The following FARP2 variants were observed in gnomAD, a reference collection of about 807,000 sequenced individuals.
The protein encoded by FARP2 is FERM, ARH/RhoGEF and pleckstrin domain protein 2.
In FARP2, 111 loss-of-function variants were observed where a neutral mutation model predicts 130.5. The ratio of observed to expected loss-of-function variants is 0.85; its 90% CI spans 0.73 to 1.00. The LOEUF (loss-of-function observed/expected upper bound fraction) is 1.00. FARP2 is among the 50% of genes least tolerant of loss of function. FARP2 has a pLI of 0.00. For missense variants in FARP2, 1,385 were observed against 1,346.3 expected (o/e 1.03, Z -0.45); for synonymous variants, 504 against 516.9 (o/e 0.98, Z 0.34).
chr2:241,441,574 G>A lies in FARP2; in HGVS notation c.1411+18G>A. The A allele has an allele frequency of 6.2e-7, 1 of 1,613,896 alleles. No individual in the cohort carries two copies. Among genetic ancestry groups the A allele is most frequent in the Non-Finnish European group, 8.5e-7 (1 of 1,180,044 alleles). ...TGGTCCAGGTGTCGGGTTTTGTCATGTCGTGAGCAGCTGTGGTTCTGTCTG... is the reference window on the plus strand; with the variant it reads ...TGGTCCAGGTGTCGGGTTTTGTCATATCGTGAGCAGCTGTGGTTCTGTCTG... On this transcript the variant is annotated intron_variant, in intron 13 of 26. Coordinates refer to ENST00000264042, the MANE Select transcript of FARP2 (RefSeq NM_014808.4).
chr2:241,464,039 T>TC lies in FARP2; in HGVS notation c.1893+62dup. 1.4e-6 allele frequency: 2 copies of TC among 1,442,032 alleles called. 1 individual carries two copies. Among genetic ancestry groups the TC allele is most frequent in the Non-Finnish European group, 1.9e-6 (2 of 1,030,808 alleles). The allele number at this position is 1,442,032 out of a possible 1,614,324, so 89.3% of individuals were successfully genotyped here. ...GCTGTTTATGGGAGCAAAACCATCT[T>TC]CCCGAAGCTGAGGCCCGTCAGAACA... On this transcript the variant is annotated intron_variant, in intron 17 of 26. Coordinates refer to ENST00000264042, the MANE Select transcript of FARP2 (RefSeq NM_014808.4).
intron 21 of FARP2, among the ~76,000 whole-genome samples, chr2:241,486,127 A>G (rs2064746325): frequency 6.6e-6 from 1 of 152,140 alleles, no homozygotes; most frequent in South Asian, 2.1e-4. Context: ...TATAGAAAAA[A>G]ATAATTGAAA....
chr2:241,408,786 T>C (rs971954300), intron 5 of FARP2, among the ~76,000 whole-genome samples: 5 of 152,218 alleles, frequency 3.3e-5, no homozygotes, highest in Non-Finnish European at 7.3e-5. Context: ...AGATGTCTTA[T>C]GAACTCTCTT....
chr2:241,449,710 C>T (rs2063600274), intron 13 of FARP2, among the ~76,000 whole-genome samples: 1 of 151,436 alleles, frequency 6.6e-6, no homozygotes, highest in African/African-American at 2.4e-5. Flanking sequence ...AAGAAAATCA[C>T]CTGCCAGACC....
chr2:241,383,303 A>G (rs1306764053), intron 2 of FARP2, among the ~76,000 whole-genome samples: 2 of 152,244 alleles, frequency 1.3e-5, no homozygotes, highest in Non-Finnish European at 2.9e-5. Context: ...GAAATAAAGC[A>G]CGGAGGGAGC....
chr2:241,384,115 T>A (rs550492973), intron 2 of FARP2, among the ~76,000 whole-genome samples: 1 of 151,730 alleles, frequency 6.6e-6, no homozygotes, highest in East Asian at 2.0e-4. Context: ...TGGAAGCCTT[T>A]GGGTGACATT....
chr2:241,361,195 C>T (rs2061177966), intron 1 of FARP2, among the ~76,000 whole-genome samples: 1 of 152,130 alleles, frequency 6.6e-6, no homozygotes, highest in Non-Finnish European at 1.5e-5. Context: ...TTTCCACTGC[C>T]CACACACTTC....
chr2:241,377,126 T>C (rs2061555750), intron 2 of FARP2, among the ~76,000 whole-genome samples: 1 of 152,208 alleles, frequency 6.6e-6, no homozygotes, highest in South Asian at 2.1e-4. Context: ...TTTACTAGAT[T>C]ATCATTTCAC....
At chr2:241,488,147 T>A (rs1302662132) in intron 21 of FARP2, 1 of 149,232 alleles carries the variant, frequency 6.7e-6, no homozygotes, top group African/African-American at 2.4e-5. Context: ...CATAATTTGT[T>A]GAATACCAAA....
intron 16 of FARP2, 31 bp from the exon 17 acceptor site, chr2:241,463,868 G>T: frequency 6.3e-7 from 1 of 1,590,638 alleles, no homozygotes; most frequent in South Asian, 1.1e-5. Flanking sequence ...CTTTCACCAT[G>T]TTTAGGATGA....
chr2:241,483,729 T>A (rs1234167359), intron 20 of FARP2, 196 bp downstream of exon 20: 1 of 909,014 alleles, frequency 1.1e-6, no homozygotes, highest in Non-Finnish European at 1.3e-6. Flanking sequence ...AGAAAACAGC[T>A]TCCCCACCCA....
At chr2:241,379,923 G>A (rs1300402143) in intron 2 of FARP2, among the ~76,000 whole-genome samples, 1 of 152,196 alleles carries the variant, frequency 6.6e-6, no homozygotes, top group Non-Finnish European at 1.5e-5. Context: ...CAAGAATGTG[G>A]TAGGGTGGTG....
At chr2:241,450,869 T>C (rs1407335472) in intron 13 of FARP2, among the ~76,000 whole-genome samples, 1 of 151,868 alleles carries the variant, frequency 6.6e-6, no homozygotes, top group Non-Finnish European at 1.5e-5. Flanking sequence ...TGAGAATCGT[T>C]TGAATCCAGG....
intron 5 of FARP2, among the ~76,000 whole-genome samples, chr2:241,409,178 TC>T (rs1415442231): frequency 6.6e-6 from 1 of 151,304 alleles, no homozygotes; most frequent in African/African-American, 2.4e-5. Flanking sequence ...TACTCCCTTC[TC>T]CCCCATATTT....
At position 241,484,254 on chromosome 2, in the gene FARP2, T is replaced by C; in HGVS notation, c.2344T>C (p.Leu782=). The C allele has an allele frequency of 6.2e-7, 1 of 1,614,144 alleles. No individual in the cohort carries two copies. The highest frequency in any genetic ancestry group is 8.5e-7 in the Non-Finnish European group (1 of 1,179,972). ...QRMFFLFSDM[L]LYTSKGVAGT... ...TGCTGCTTCTCAGTTCTCAGATATG[T>C]TGCTGTACACAAGCAAAGGAGTTGC... Residue 782 remains leucine, a synonymous_variant, in exon 21 of 27, where the codon TTG becomes CTG. Transcript: ENST00000264042.
At chr2:241,439,513 G>A (rs1207954717) in intron 12 of FARP2, among the ~76,000 whole-genome samples, 1 of 151,856 alleles carries the variant, frequency 6.6e-6, no homozygotes, top group African/African-American at 2.4e-5. Context: ...GTATTTTTTG[G>A]AGAGACAGGG....
At chr2:241,416,984 A>G (rs1249458880) in intron 7 of FARP2, among the ~76,000 whole-genome samples, 1 of 151,888 alleles carries the variant, frequency 6.6e-6, no homozygotes, top group Non-Finnish European at 1.5e-5. Context: ...AGTGTTTCAG[A>G]TAGTAAAAAA....
chr2:241,389,544 C>T (rs2061860173), intron 2 of FARP2, among the ~76,000 whole-genome samples: 1 of 152,164 alleles, frequency 6.6e-6, no homozygotes, highest in South Asian at 2.1e-4. Flanking sequence ...TTATAGCAGC[C>T]TGAACCAACT....
In FARP2 at chr2:241,431,038, C is replaced by T. The variant is rs190198947; in HGVS notation, c.772-641C>T. Among the ~76,000 whole-genome samples, 6 of 151,854 alleles carry T rather than the reference C, an allele frequency of 4.0e-5. No homozygotes were observed. In the East Asian group the frequency reaches 1.2e-3, roughly 29 times the overall value. On this transcript the variant is annotated intron_variant, in intron 8 of 26. Transcript: ENST00000264042. ...AAAAAAAGTGCAAATCTTTCCACTT[C>T]TAATTTTCCATTTCCTATAAATATT...
Sources: gnomAD v4.1 joint callset for allele counts (sites outside exome capture counted in the v4.1 genomes callset) on GRCh38, gnomAD v4.1.1 for gene constraint, MANE v1.5 for transcripts, NCBI Gene and HGNC (gene_info 2026-07-23, HGNC 2026-07-21) for gene names.